Variants in MED12L observed in about 807,000 individuals in gnomAD.
MED12L encodes the protein mediator of RNA polymerase II transcription subunit 12-like protein.
A neutral mutation model predicts 281.3 loss-of-function variants in MED12L; 60 were observed. The observed-to-expected ratio is 0.21, with a 90% CI of 0.17 to 0.26. The LOEUF is 0.26. Ranked by LOEUF, MED12L falls within the 10% of genes least tolerant of loss-of-function variation. The pLI is 1.00. For synonymous variants in MED12L, 974 were observed against 987.2 expected, an observed-to-expected ratio of 0.99 and a Z score of 0.25; for missense variants, 2,146 against 2,680.9, an observed-to-expected ratio of 0.80 and a Z score of 4.41.
chr3:151,161,305 A>G (rs907788573), intron 8 of MED12L, among the ~76,000 whole-genome samples: 1 of 152,334 alleles, frequency 6.6e-6, no homozygotes, highest in Non-Finnish European at 1.5e-5. Context: ...GAGTTGTTAC[A>G]TGTCCAATTC....
intron 5 of MED12L, among the ~76,000 whole-genome samples, chr3:151,133,512 C>T (rs576602362): frequency 2.2e-4 from 33 of 150,942 alleles, no homozygotes; most frequent in South Asian, 1.5e-3. Context: ...TTGACTTGGA[C>T]AAATCTGAGT....
At chr3:151,328,836 T>C in intron 16 of MED12L, 1 of 1,613,900 alleles carries the variant, frequency 6.2e-7, no homozygotes, top group Non-Finnish European at 8.5e-7. Flanking sequence ...GTGGAGGAGC[T>C]GGGGATGTGA....
In MED12L at chr3:151,390,024, C is replaced by T. The variant is rs1713984529; in HGVS notation, c.5497C>T (p.Pro1833Ser). ...NIYRVPPNYS[P>S]ISSQMMHHPQ... ...ATACCGAGTGCCTCCTAATTACTCG[C>T]CTATCTCCTCCCAAATGATGCACCA... Residue 1833 changes from proline to serine, a missense_variant, in exon 38 of 45, where the codon CCT (proline) becomes TCT (serine). Transcript: ENST00000687756. 6.2e-7 allele frequency: 1 copy of T among 1,614,094 alleles called. No homozygotes were observed. The highest frequency in any genetic ancestry group is 8.5e-7 in the Non-Finnish European group (1 of 1,179,968).
chr3:151,408,668 G>A (rs1716611225), intron 39 of MED12L, among the ~76,000 whole-genome samples: 1 of 152,160 alleles, frequency 6.6e-6, no homozygotes, highest in Non-Finnish European at 1.5e-5. Flanking sequence ...GTTTTATTTT[G>A]CATTGTAGTT....
At chr3:151,137,727 A>G (rs1053596482) in intron 5 of MED12L, among the ~76,000 whole-genome samples, 3 of 152,196 alleles carry the variant, frequency 2.0e-5, no homozygotes, top group South Asian at 2.1e-4. Context: ...GTAAATGAAC[A>G]TGGTTACTTA....
At chr3:151,189,556 G>A (rs1489760534) in intron 13 of MED12L, among the ~76,000 whole-genome samples, 2 of 152,134 alleles carry the variant, frequency 1.3e-5, no homozygotes, top group African/African-American at 4.8e-5. Flanking sequence ...TTACTCCTGT[G>A]TCTTTGCTAG....
chr3:151,350,723 C>T (rs1009553217), intron 17 of MED12L, among the ~76,000 whole-genome samples: 3 of 152,026 alleles, frequency 2.0e-5, no homozygotes, highest in Admixed American at 2.0e-4. Context: ...GTGATGGCTA[C>T]CTATATCTCC....
chr3:151,174,220 G>A (rs1322852240), intron 11 of MED12L, among the ~76,000 whole-genome samples: 1 of 152,150 alleles, frequency 6.6e-6, no homozygotes, highest in Non-Finnish European at 1.5e-5. Context: ...GGGATGCTCA[G>A]TCTGTATTTT....
At chr3:151,416,237 A>T in intron 42 of MED12L, 75 bp from the exon 43 acceptor site, 2 of 1,611,230 alleles carry the variant, frequency 1.2e-6, no homozygotes, top group Admixed American at 1.7e-5. Context: ...GATAAAAGGT[A>T]TATGGGGGAA....
intron 2 of MED12L, among the ~76,000 whole-genome samples, chr3:151,104,092 G>A (rs907630705): frequency 1.3e-5 from 2 of 152,146 alleles, no homozygotes; most frequent in African/African-American, 4.8e-5. Flanking sequence ...TTTTGGTTTT[G>A]TTGGTCCCCA....
intron 16 of MED12L, among the ~76,000 whole-genome samples, chr3:151,313,276 G>T (rs1233398763): frequency 1.3e-5 from 2 of 152,154 alleles, no homozygotes; most frequent in African/African-American, 4.8e-5. Context: ...GCTCCAACTT[G>T]ATTGCAGGGG....
chr3:151,344,047 C>T (rs970271920), intron 16 of MED12L, among the ~76,000 whole-genome samples: 1 of 151,982 alleles, frequency 6.6e-6, no homozygotes, highest in African/African-American at 2.4e-5. Context: ...GGTTAGATAC[C>T]AACAGGTTCC....
At chr3:151,225,736 G>C (rs2149293128) in intron 16 of MED12L, among the ~76,000 whole-genome samples, 1 of 152,192 alleles carries the variant, frequency 6.6e-6, no homozygotes, top group African/African-American at 2.4e-5. Context: ...CCAGAAGAAG[G>C]AACTCTCCCA....
rs536020011 is a variant in MED12L, at chr3:151,289,841, A to G, written c.2251-60218A>G. Reference sequence around the variant, plus strand: ...GGTTCAATTCTAGGAGTTGCTGGGGAGTCTGCCCAGACTACAACCACTGAA... The same window carrying G: ...GGTTCAATTCTAGGAGTTGCTGGGGGGTCTGCCCAGACTACAACCACTGAA... On this transcript the variant is annotated intron_variant, in intron 16 of 44. Transcript: ENST00000687756. 8.6e-5 allele frequency among the ~76,000 whole-genome samples: 13 copies of G among 151,850 alleles called. No individual in the cohort carries two copies. In the South Asian group the frequency reaches 2.7e-3, roughly 32 times the overall value.
intron 16 of MED12L, chr3:151,270,196 CGTGTGTGTGT>C (rs55920434): frequency 0.047 from 6,080 of 129,674 alleles, 161 homozygotes; most frequent in East Asian, 0.11. Flanking sequence ...AGCAAGCTGT[CGTGTGTGTGT>C]GTGTGTGTGT....
In MED12L at chr3:151,390,089, G is replaced by A; in HGVS notation, c.5562G>A (p.Gln1854=). 1 of 1,614,106 alleles carries A rather than the reference G, an allele frequency of 6.2e-7. No homozygotes were observed. The highest frequency in any genetic ancestry group is 1.1e-5 in the South Asian group (1 of 91,078). ...STLWGYNLVG[Q]PQQPGFFLQN... ...TGTGGGGTTACAACCTCGTGGGCCA[G>A]CCCCAGCAGCCCGGCTTTTTCCTTC... The change falls in exon 38 of 45, where the codon CAG becomes CAA. Residue 1854 remains glutamine, a synonymous_variant. Coordinates refer to ENST00000687756, the MANE Select transcript of MED12L (RefSeq NM_001393769.1).
Position 151,380,200 on chromosome 3 carries a change from A to T in MED12L, c.4566A>T (p.Thr1522=), listed in dbSNP as rs780855778. 1.2e-6 allele frequency: 2 copies of T among 1,606,956 alleles called. No homozygotes were observed. The highest frequency in any genetic ancestry group is 3.4e-5 in the Admixed American group (2 of 58,264). The change falls in exon 32 of 45, where the codon ACA becomes ACT. Residue 1522 remains threonine, a synonymous_variant. Coordinates refer to ENST00000687756, the MANE Select transcript of MED12L (RefSeq NM_001393769.1). ...GQDEQREGLL[T]SLQNQVNQIL... The stretch of plus-strand genomic sequence containing the variant: ...ATGAACAAAGGGAAGGCCTCCTAAC[A>T]TCTCTCCAGAATCAAGTTAACCAGG...
chr3:151,421,485 A>G (rs1003878513), intron 43 of MED12L, among the ~76,000 whole-genome samples: 1 of 151,816 alleles, frequency 6.6e-6, no homozygotes, highest in Non-Finnish European at 1.5e-5. Flanking sequence ...ATCTTGGCTC[A>G]CTGCAACCTG....
intron 9 of MED12L, among the ~76,000 whole-genome samples, chr3:151,164,652 TG>T (rs1720446726): frequency 6.6e-6 from 1 of 152,162 alleles, no homozygotes; most frequent in Admixed American, 6.5e-5. Flanking sequence ...ATATACACCA[TG>T]GAATACTGTG....
Sources: allele counts gnomAD v4.1 joint callset (sites outside exome capture counted in the v4.1 genomes callset), GRCh38; gene constraint gnomAD v4.1.1; transcripts MANE v1.5; gene names NCBI Gene and HGNC (gene_info 2026-07-23, HGNC 2026-07-21).